Variants in ATR observed in about 807,000 individuals in gnomAD.
The protein encoded by ATR is ATR checkpoint kinase.
ATR carries 142 observed loss-of-function variants against 305.3 expected under a neutral mutation model. That is an observed-to-expected ratio of 0.47 (90% confidence interval 0.41 to 0.53). The LOEUF (loss-of-function observed/expected upper bound fraction) is 0.53, where lower values mean the gene tolerates loss of function less well. Among genes scored for constraint, ATR ranks in the 20% least tolerant of loss-of-function variants. The pLI is 0.00. For synonymous variants in ATR, 1,050 were observed against 1,068.1 expected, an observed-to-expected ratio of 0.98 and a Z score of 0.33; for missense variants, 2,135 against 3,133.1, an observed-to-expected ratio of 0.68 and a Z score of 7.60.
At chr3:142,549,397 C>T in intron 15 of ATR, 82 bp downstream of exon 15, 2 of 975,688 alleles carry the variant, frequency 2.0e-6, no homozygotes, top group Non-Finnish European at 2.9e-6. Context: ...ATTTACTCAC[C>T]CTCTTTCCTA....
chr3:142,510,208 C>CTAACAG (rs1385134626), intron 27 of ATR, among the ~76,000 whole-genome samples: 3 of 148,544 alleles, frequency 2.0e-5, no homozygotes, highest in Non-Finnish European at 3.0e-5. Flanking sequence ...GAAATAAAAA[C>CTAACAG]TAACAGGCTG....
chr3:142,452,620 G>A, intron 46 of ATR: 1 of 890,642 alleles, frequency 1.1e-6, no homozygotes, highest in Non-Finnish European at 1.4e-6. Flanking sequence ...GTTGCCGTGA[G>A]CCAAGATCGT....
chr3:142,518,893 C>T (rs2033024423), intron 24 of ATR, among the ~76,000 whole-genome samples: 1 of 151,984 alleles, frequency 6.6e-6, no homozygotes, highest in African/African-American at 2.4e-5. Flanking sequence ...CTAACAAAGT[C>T]ATTTAAATTT....
At chr3:142,548,583 C>T (rs1477987489) in intron 15 of ATR, among the ~76,000 whole-genome samples, 9 of 151,562 alleles carry the variant, frequency 5.9e-5, no homozygotes, top group South Asian at 2.1e-4. Flanking sequence ...GCAGGAGAAT[C>T]GCTTGAACCC....
At chr3:142,478,621 C>T (rs149131818) in intron 36 of ATR, among the ~76,000 whole-genome samples, 20,140 of 152,082 alleles carry the variant, frequency 0.13, 1,410 homozygotes, top group Non-Finnish European at 0.16. Context: ...TGGGGCAGAG[C>T]TGAATTCAAT....
chr3:142,542,198 A>G lies in ATR; in HGVS notation c.3450+467T>C, dbSNP rs57504134. Among the ~76,000 whole-genome samples the G allele has an allele frequency of 8.9e-3, 1,354 of 152,168 alleles. 20 individuals are homozygous for G. Among genetic ancestry groups the G allele is most frequent in the African/African-American group, 0.031 (1,281 of 41,518 alleles). ...CACCAGACCAATCTAAACCAAGGAG[A>G]CTCAATGATGCAACTTTTGTTTGAG... is the stretch of plus-strand genomic sequence containing the variant. On this transcript the variant is annotated intron_variant, in intron 17 of 46. Transcript: ENST00000350721.
At chr3:142,560,837 G>A (rs952509460) in intron 5 of ATR, among the ~76,000 whole-genome samples, 14 of 152,190 alleles carry the variant, frequency 9.2e-5, no homozygotes, top group Admixed American at 8.5e-4. Context: ...TGGGATTACA[G>A]GCGTGAGCCA....
intron 44 of ATR, among the ~76,000 whole-genome samples, chr3:142,458,016 A>T (rs924059065): frequency 2.0e-5 from 3 of 152,230 alleles, no homozygotes; most frequent in African/African-American, 7.2e-5. Context: ...TACAGTGAAT[A>T]AGCAGTATTA....
chr3:142,574,654 C>G (rs1306911506), intron 1 of ATR, among the ~76,000 whole-genome samples: 1 of 152,002 alleles, frequency 6.6e-6, no homozygotes, highest in Non-Finnish European at 1.5e-5. Flanking sequence ...CCAGGATAAC[C>G]AAGACAGAAT....
chr3:142,545,595 A>T (rs1393207157), intron 16 of ATR, among the ~76,000 whole-genome samples: 1 of 152,194 alleles, frequency 6.6e-6, no homozygotes, highest in Non-Finnish European at 1.5e-5. Context: ...ATGAGTTTGT[A>T]AAAAGAGCAC....
intron 24 of ATR, among the ~76,000 whole-genome samples, chr3:142,515,936 G>A (rs1430831832): frequency 6.6e-6 from 1 of 152,088 alleles, no homozygotes; most frequent in Non-Finnish European, 1.5e-5. Flanking sequence ...GTGTCTAGCT[G>A]GAGCACTTAA....
At chr3:142,488,980 T>C (rs1381522937) in intron 35 of ATR, among the ~76,000 whole-genome samples, 3 of 152,170 alleles carry the variant, frequency 2.0e-5, no homozygotes, top group Non-Finnish European at 4.4e-5. Flanking sequence ...GGAGAGGTCT[T>C]GTGTGCAATT....
In ATR at chr3:142,524,015, T is replaced by C. The variant is rs2108399250; in HGVS notation, c.4130A>G (p.Gln1377Arg). The change falls in exon 22 of 47, where the codon CAA (glutamine) becomes CGA (arginine). Residue 1377 changes from glutamine (Q) to arginine (R), a missense_variant. Physicochemically the swap from Gln to Arg is conservative, Grantham distance 43 (BLOSUM62 1). Coordinates refer to ENST00000350721, the MANE Select transcript of ATR (RefSeq NM_001184.4). ...TACCACAAATGTAAAATCTTTTCCT[T>C]GAGTTTCAGTTGTTGAGAAATCTAA... ...GRLDFSTTET[Q>R]GKDFTFVTGV... 2 of 1,613,990 alleles carry C rather than the reference T, an allele frequency of 1.2e-6. No individual in the cohort carries two copies. The highest frequency in any genetic ancestry group is 1.7e-6 in the Non-Finnish European group (2 of 1,179,874).
At chr3:142,475,302 A>G (rs1577525716) in intron 36 of ATR, among the ~76,000 whole-genome samples, 2 of 151,990 alleles carry the variant, frequency 1.3e-5, no homozygotes, top group Admixed American at 1.3e-4. Flanking sequence ...CCTGTGTCCA[A>G]GTGTTCTCAT....
At chr3:142,560,564 AT>A (rs1237112467) in intron 5 of ATR, 110 bp from the exon 6 acceptor site, 40,106 of 815,364 alleles carry the variant, frequency 0.049, no homozygotes, top group South Asian at 0.071. Flanking sequence ...ATTCAAAAAA[AT>A]TTTTTTTTTT....
intron 36 of ATR, among the ~76,000 whole-genome samples, chr3:142,476,537 A>G (rs1356975215): frequency 6.6e-6 from 1 of 152,156 alleles, no homozygotes; most frequent in Non-Finnish European, 1.5e-5. Flanking sequence ...TGATGCCTCC[A>G]GCTTTGTTCT....
chr3:142,566,092 C>T (rs747317317), intron 3 of ATR, 29 bp downstream of exon 3: 2 of 1,613,422 alleles, frequency 1.2e-6, no homozygotes, highest in South Asian at 2.2e-5. Context: ...GAACAGATGG[C>T]AAGTGAATGC....
intron 31 of ATR, among the ~76,000 whole-genome samples, 174 bp downstream of exon 31, chr3:142,499,453 C>T (rs2031833219): frequency 6.6e-6 from 1 of 152,058 alleles, no homozygotes; most frequent in Admixed American, 6.6e-5. Context: ...TGCCACCACG[C>T]CCAGCTAATT....
chr3:142,540,171 C>T (rs1023394164), intron 18 of ATR, among the ~76,000 whole-genome samples: 2 of 152,054 alleles, frequency 1.3e-5, no homozygotes, highest in Non-Finnish European at 2.9e-5. Context: ...ATTAGCTATT[C>T]GCCAAATCCA....
Sources: allele counts gnomAD v4.1 joint callset (sites outside exome capture counted in the v4.1 genomes callset), GRCh38; gene constraint gnomAD v4.1.1; transcripts MANE v1.5; gene names NCBI Gene and HGNC (gene_info 2026-07-23, HGNC 2026-07-21).